The following RALYL variants were observed in gnomAD, a reference collection of about 807,000 sequenced individuals.
RALYL encodes RNA-binding Raly-like protein.
RALYL carries 29 observed loss-of-function variants against 35.1 expected under a neutral mutation model. That is an observed-to-expected ratio of 0.83 (90% CI 0.61 to 1.13). RALYL has a LOEUF of 1.13. Ranked by LOEUF, RALYL falls within the 50% of genes most tolerant of loss-of-function variation. The probability of loss-of-function intolerance (pLI) is 0.00; values close to 1 mark genes in which losing one functional copy is unlikely to be tolerated. For synonymous variants in RALYL, 120 were observed against 127.6 expected, an observed-to-expected ratio of 0.94 and a Z score of 0.40; for missense variants, 359 against 360.4, an observed-to-expected ratio of 1.00 and a Z score of 0.03.
At chr8:84,195,778 G>C (rs1815128172) in intron 1 of RALYL, among the ~76,000 whole-genome samples, 1 of 151,770 alleles carries the variant, frequency 6.6e-6, no homozygotes, top group Admixed American at 6.6e-5. Context: ...CCAAGTGAGA[G>C]GAACAACAGC....
intron 1 of RALYL, among the ~76,000 whole-genome samples, chr8:84,230,225 A>T (rs536353805): frequency 1.4e-3 from 220 of 152,246 alleles, no homozygotes; most frequent in Non-Finnish European, 2.6e-3. Flanking sequence ...AAATTATTTT[A>T]TGGTAGCTAA....
intron 1 of RALYL, among the ~76,000 whole-genome samples, chr8:84,262,878 G>T (rs1832577697): frequency 6.6e-6 from 1 of 152,098 alleles, no homozygotes; most frequent in Non-Finnish European, 1.5e-5. Flanking sequence ...TCTATGTGTG[G>T]TTGGTCACTG....
intron 2 of RALYL, among the ~76,000 whole-genome samples, chr8:84,612,445 G>T (rs1026435171): frequency 6.6e-6 from 1 of 151,852 alleles, no homozygotes; most frequent in African/African-American, 2.4e-5. Context: ...TTTGTTGCTG[G>T]CATATACCGT....
At chr8:84,606,410 G>T (rs989096967) in intron 2 of RALYL, among the ~76,000 whole-genome samples, 5 of 152,224 alleles carry the variant, frequency 3.3e-5, no homozygotes, top group Non-Finnish European at 7.4e-5. Context: ...GGTTTCATGT[G>T]TGTCTGCAGA....
chr8:84,902,455 T>C (rs959979107), intron 8 of RALYL, among the ~76,000 whole-genome samples: 1 of 152,086 alleles, frequency 6.6e-6, no homozygotes, highest in Non-Finnish European at 1.5e-5. Context: ...CAATTCAACA[T>C]GAGATTTGGA....
intron 1 of RALYL, among the ~76,000 whole-genome samples, chr8:84,274,819 C>T (rs1835036188): frequency 6.6e-6 from 1 of 152,064 alleles, no homozygotes; most frequent in Non-Finnish European, 1.5e-5. Flanking sequence ...TCTGTCATCT[C>T]TTCTTATGGT....
At chr8:84,347,268 A>G (rs979172060) in intron 1 of RALYL, among the ~76,000 whole-genome samples, 9 of 152,064 alleles carry the variant, frequency 5.9e-5, no homozygotes, top group Admixed American at 5.2e-4. Context: ...AATAACAATA[A>G]TAAAATAATA....
chr8:84,346,636 T>C (rs948138313), intron 1 of RALYL, among the ~76,000 whole-genome samples: 2 of 152,024 alleles, frequency 1.3e-5, no homozygotes, highest in Non-Finnish European at 2.9e-5. Context: ...GTCCAGCTAA[T>C]TTTTGTAGTT....
chr8:84,800,238 T>C (rs1822927736), intron 3 of RALYL, among the ~76,000 whole-genome samples: 1 of 152,180 alleles, frequency 6.6e-6, no homozygotes, highest in Non-Finnish European at 1.5e-5. Flanking sequence ...ACATGAACTT[T>C]AGAGTCAGAA....
chr8:84,776,495 A>T (rs928521147), intron 3 of RALYL, among the ~76,000 whole-genome samples: 2 of 152,260 alleles, frequency 1.3e-5, no homozygotes, highest in African/African-American at 4.8e-5. Context: ...ATCAACAAGA[A>T]GCAAATGACA....
intron 2 of RALYL, among the ~76,000 whole-genome samples, chr8:84,639,300 C>T (rs1302303172): frequency 6.6e-6 from 1 of 151,758 alleles, no homozygotes; most frequent in Non-Finnish European, 1.5e-5. Flanking sequence ...GCAGTTAGAA[C>T]ATAGTTTATT....
chr8:84,291,500 T>C (rs1316534738), intron 1 of RALYL, among the ~76,000 whole-genome samples: 1 of 152,202 alleles, frequency 6.6e-6, no homozygotes, highest in Non-Finnish European at 1.5e-5. Context: ...AGTTGAATTA[T>C]ATTTTCTCTA....
chr8:84,253,573 A>C (rs1830649817), intron 1 of RALYL, among the ~76,000 whole-genome samples: 1 of 151,958 alleles, frequency 6.6e-6, no homozygotes, highest in Non-Finnish European at 1.5e-5. Context: ...ATAGTAATTG[A>C]TTGAGAAAGG....
At chr8:84,557,076 A>G (rs915621862) in intron 2 of RALYL, among the ~76,000 whole-genome samples, 3 of 152,218 alleles carry the variant, frequency 2.0e-5, no homozygotes, top group African/African-American at 4.8e-5. Flanking sequence ...CTAACTTGTC[A>G]CAGTTTTCTT....
At chr8:84,327,695 T>C (rs572853880) in intron 1 of RALYL, among the ~76,000 whole-genome samples, 1 of 151,816 alleles carries the variant, frequency 6.6e-6, no homozygotes, top group Non-Finnish European at 1.5e-5. Flanking sequence ...AAAAAAAAAT[T>C]GCCATTCCCC....
chr8:84,547,386 AT>A (rs377038950), intron 2 of RALYL, among the ~76,000 whole-genome samples: 4,404 of 148,886 alleles, frequency 0.03, 207 homozygotes, highest in African/African-American at 0.1. Context: ...TATTTTTTTA[AT>A]TTTTTTTTGA....
intron 2 of RALYL, among the ~76,000 whole-genome samples, chr8:84,763,760 T>TG (rs555125597): frequency 4.1e-4 from 63 of 152,336 alleles, no homozygotes; most frequent in African/African-American, 1.3e-3. Flanking sequence ...ATAACTTTTT[T>TG]TAAAATCCAA....
intron 2 of RALYL, among the ~76,000 whole-genome samples, chr8:84,703,993 C>T (rs1840684840): frequency 1.3e-5 from 2 of 152,088 alleles, no homozygotes; most frequent in South Asian, 4.2e-4. Context: ...AACACTGGGA[C>T]TAAAAGATGT....
chr8:84,552,683 C>T lies in RALYL; in HGVS notation c.256+23106C>T, dbSNP rs140954128. Among the ~76,000 whole-genome samples, 603 of 151,494 alleles carry T rather than the reference C, an allele frequency of 4.0e-3. 5 individuals are homozygous for T. The highest frequency in any genetic ancestry group is 0.033 in the South Asian group (156 of 4,798). ...CTAACCTGGTACTCTGATTTTGGCT[C>T]TTTGTTTTGACTTTGGTTTCCTAAT... On this transcript the variant is annotated intron_variant, in intron 2 of 8. Transcript: ENST00000521268.
Sources: gnomAD v4.1 joint callset for allele counts (sites outside exome capture counted in the v4.1 genomes callset) on GRCh38, gnomAD v4.1.1 for gene constraint, MANE v1.5 for transcripts, NCBI Gene and HGNC (gene_info 2026-07-23, HGNC 2026-07-21) for gene names.